RBM19: variants seen among roughly 807,000 people sequenced by gnomAD.
RBM19 encodes RNA binding motif protein 19.
RBM19 carries 94 observed loss-of-function variants against 116.8 expected under a neutral mutation model. The ratio of observed to expected loss-of-function variants is 0.80; its 90% CI spans 0.68 to 0.95. The LOEUF (loss-of-function observed/expected upper bound fraction) is 0.95, where lower values mean the gene tolerates loss of function less well. Ranked by LOEUF, RBM19 falls within the 40% of genes least tolerant of loss-of-function variation. The pLI, the probability that RBM19 is intolerant of heterozygous loss-of-function variation, is 0.00. For missense variants in RBM19, 1,161 were observed against 1,220.7 expected (o/e 0.95, Z 0.73); for synonymous variants, 475 against 494.1 (o/e 0.96, Z 0.51).
Position 113,920,418 on chromosome 12 carries a change from T to C in RBM19, c.2385+193A>G, listed in dbSNP as rs148517447. ...TGCTGTGGATCAAATGAATGAACTA[T>C]GGTGACCGTGGAGTGTTGGGAAAGG... is the stretch of plus-strand genomic sequence containing the variant. On this transcript the variant is annotated intron_variant, in intron 19 of 23. Transcript: ENST00000261741. Among the ~76,000 whole-genome samples the C allele has an allele frequency of 4.0e-3, 610 of 152,360 alleles. 13 individuals carry two copies. The highest frequency in any genetic ancestry group is 2.7e-3 in the Non-Finnish European group (184 of 68,038).
chr12:113,888,337 G>A (rs1880691697), intron 21 of RBM19, among the ~76,000 whole-genome samples: 1 of 152,154 alleles, frequency 6.6e-6, no homozygotes, highest in Admixed American at 6.5e-5. Context: ...AAGACTATTT[G>A]GTTCTGCTTT....
At chr12:113,863,554 C>G (rs1279211852) in intron 21 of RBM19, among the ~76,000 whole-genome samples, 1 of 152,176 alleles carries the variant, frequency 6.6e-6, no homozygotes, top group African/African-American at 2.4e-5. Context: ...GGGGTCAAAC[C>G]TAGGGCCTTC....
At chr12:113,941,612 A>T (rs4394879) in intron 14 of RBM19, among the ~76,000 whole-genome samples, 35 of 65,876 alleles carry the variant, frequency 5.3e-4, no homozygotes, top group Middle Eastern at 0.019. Context: ...CATCCATCCA[A>T]CCATCAAGCC....
rs534346080 is a variant in RBM19 at position 113,925,336 on chromosome 12, C to G, written c.2245-579G>C. On this transcript the variant is annotated intron_variant, in intron 17 of 23. Coordinates refer to ENST00000261741, the MANE Select transcript of RBM19 (RefSeq NM_016196.4). ...AGGGGCCGGGGAGAAACTTGAGAAA[C>G]AAACACTACGAGCAGCAGCTGCTTA... Among the ~76,000 whole-genome samples, 68 of 152,314 alleles carry G rather than the reference C, an allele frequency of 4.5e-4. 1 individual carries two copies. In the South Asian group the frequency reaches 5.8e-3, roughly 13 times the overall value.
chr12:113,950,187 C>CA, intron 8 of RBM19, 33 bp from the exon 9 acceptor site: 2 of 1,530,314 alleles, frequency 1.3e-6, no homozygotes, highest in Non-Finnish European at 1.8e-6. Context: ...GTAAAATCTG[C>CA]AGGCCTTGCA....
Position 113,864,514 on chromosome 12 carries a change from C to T in RBM19, c.2559-5618G>A, listed in dbSNP as rs567663028. On this transcript the variant is annotated intron_variant, in intron 21 of 23. Coordinates refer to ENST00000261741, the MANE Select transcript of RBM19 (RefSeq NM_016196.4). ...AACTTATGGACCCATGGAACCATTC[C>T]CACTGAGCAAGAAATATGGTAAGAT... Among the ~76,000 whole-genome samples, 22 of 152,308 alleles carry T rather than the reference C, an allele frequency of 1.4e-4. No homozygotes were observed. The South Asian group carries it at 1.9e-3, about 13-fold the overall frequency.
At chr12:113,891,920 T>C (rs1297825062) in intron 21 of RBM19, among the ~76,000 whole-genome samples, 2 of 152,204 alleles carry the variant, frequency 1.3e-5, no homozygotes, top group African/African-American at 4.8e-5. Context: ...TAGAAAGCCT[T>C]TGTTCCTCCG....
chr12:113,874,846 A>G (rs1378166973), intron 21 of RBM19, among the ~76,000 whole-genome samples: 1 of 152,216 alleles, frequency 6.6e-6, no homozygotes, highest in Non-Finnish European at 1.5e-5. Flanking sequence ...AAGCATCCAA[A>G]TGGCCCTACA....
chr12:113,824,843 C>G (rs1009365012), intron 23 of RBM19, among the ~76,000 whole-genome samples: 7 of 152,130 alleles, frequency 4.6e-5, no homozygotes, highest in Non-Finnish European at 8.8e-5. Context: ...ACCTCTCAGC[C>G]CCTCACTAGA....
intron 21 of RBM19, among the ~76,000 whole-genome samples, chr12:113,912,468 C>T (rs1406420224): frequency 1.3e-5 from 2 of 152,224 alleles, no homozygotes; most frequent in African/African-American, 4.8e-5. Flanking sequence ...GGAGTGGCTC[C>T]AAGCCGGGGC....
chr12:113,928,219 C>T (rs1167292621), intron 16 of RBM19, among the ~76,000 whole-genome samples: 2 of 152,024 alleles, frequency 1.3e-5, no homozygotes, highest in Non-Finnish European at 2.9e-5. Flanking sequence ...CACCTATGAT[C>T]CCAGCTACTT....
chr12:113,876,887 T>C (rs1023703466), intron 21 of RBM19, among the ~76,000 whole-genome samples: 2 of 152,240 alleles, frequency 1.3e-5, no homozygotes, highest in Non-Finnish European at 2.9e-5. Context: ...TGGGATTACA[T>C]GTGGGGCAGT....
chr12:113,861,872 C>G (rs1878430373), intron 21 of RBM19, among the ~76,000 whole-genome samples: 1 of 152,068 alleles, frequency 6.6e-6, no homozygotes. Flanking sequence ...GCTGAAGGGC[C>G]TTGGGGGAGG....
At chr12:113,921,530 A>G (rs1342592887) in intron 18 of RBM19, among the ~76,000 whole-genome samples, 1 of 152,092 alleles carries the variant, frequency 6.6e-6, no homozygotes, top group Non-Finnish European at 1.5e-5. Flanking sequence ...TGCAGGTCCT[A>G]TCTTTACCTT....
At position 113,854,038 on chromosome 12, in the gene RBM19, A is replaced by G. The variant is rs57614794; in HGVS notation, c.2664+4753T>C. Among the ~76,000 whole-genome samples the G allele has an allele frequency of 9.9e-3, 1,511 of 152,180 alleles. 29 individuals carry two copies. Among genetic ancestry groups the G allele is most frequent in the African/African-American group, 0.033 (1,368 of 41,510 alleles). ...CTGGCGTGGAGATACACAGAATTTAAGTGAATCAGTGAATGAAGGGAGGAG... is the reference window on the plus strand; with the variant it reads ...CTGGCGTGGAGATACACAGAATTTAGGTGAATCAGTGAATGAAGGGAGGAG... On this transcript the variant is annotated intron_variant, in intron 22 of 23. Coordinates refer to ENST00000261741, the MANE Select transcript of RBM19 (RefSeq NM_016196.4).
chr12:113,946,013 C>T, intron 12 of RBM19, 89 bp from the exon 13 acceptor site: 1 of 1,184,016 alleles, frequency 8.4e-7, no homozygotes, highest in Non-Finnish European at 1.2e-6. Context: ...GAAATGGGCT[C>T]CTAGGCCTGC....
At chr12:113,887,206 G>A (rs1290138289) in intron 21 of RBM19, among the ~76,000 whole-genome samples, 1 of 152,152 alleles carries the variant, frequency 6.6e-6, no homozygotes, top group Non-Finnish European at 1.5e-5. Flanking sequence ...TAATCCTGAT[G>A]GAGAGCTGGG....
At chr12:113,960,471 C>T (rs1032650906) in intron 2 of RBM19, among the ~76,000 whole-genome samples, 1 of 152,204 alleles carries the variant, frequency 6.6e-6, no homozygotes, top group Non-Finnish European at 1.5e-5. Flanking sequence ...AGTACTGATA[C>T]ACCGAGCCTC....
At chr12:113,827,118 C>T (rs1005605408) in intron 23 of RBM19, among the ~76,000 whole-genome samples, 14 of 152,236 alleles carry the variant, frequency 9.2e-5, no homozygotes, top group African/African-American at 2.9e-4. Context: ...CCCACTTCCC[C>T]GACATCAAAA....
Sources: allele counts gnomAD v4.1 joint callset (sites outside exome capture counted in the v4.1 genomes callset), GRCh38; gene constraint gnomAD v4.1.1; transcripts MANE v1.5; gene names NCBI Gene and HGNC (gene_info 2026-07-23, HGNC 2026-07-21).